FAM118B: variants seen among roughly 807,000 people sequenced by gnomAD.
FAM118B encodes the protein SIR2 antiphage like 1.
Under a neutral mutation model 38.5 loss-of-function variants are expected in FAM118B, and 24 were observed. The ratio of observed to expected loss-of-function variants is 0.62; its 90% CI spans 0.45 to 0.88. FAM118B has a LOEUF of 0.88. FAM118B is among the 40% of genes least tolerant of loss of function. FAM118B has a pLI of 0.00. For synonymous variants in FAM118B, 138 were observed against 156.3 expected (o/e 0.88, Z 0.87); for missense variants, 334 against 420.0 (o/e 0.80, Z 1.79).
At chr11:126,213,889 G>T (rs1949928054) in intron 1 of FAM118B, among the ~76,000 whole-genome samples, 1 of 152,154 alleles carries the variant, frequency 6.6e-6, no homozygotes, top group South Asian at 2.1e-4. Context: ...GGAACTTTTA[G>T]GTTTGTCTTG....
chr11:126,217,201 A>C (rs1949990950), intron 1 of FAM118B, among the ~76,000 whole-genome samples: 2 of 152,264 alleles, frequency 1.3e-5, no homozygotes, highest in Non-Finnish European at 2.9e-5. Context: ...GATGTTGAAC[A>C]AAAAGACTTT....
Position 126,235,052 on chromosome 11 carries a change from C to A in FAM118B, c.51C>A (p.Phe17Leu). Residue 17 changes from phenylalanine (F) to leucine (L), a missense_variant, in exon 3 of 9, where the codon TTC becomes TTA. Phe to Leu is a conservative substitution (Grantham distance 22). Around this residue, in one of 3 missense-constraint regions of FAM118B, gnomAD observed 240 missense variants for 295.9 expected, o/e 0.81. Coordinates refer to ENST00000533050, the MANE Select transcript of FAM118B (RefSeq NM_024556.4). ...CTGATATAGACGAGATTTTTGGATT[C>A]TTCAACGATGGCGAACCTCCCACCA... ...QASDIDEIFG[F>L]FNDGEPPTKK... The A allele has an allele frequency of 6.2e-7, 1 of 1,614,082 alleles. No homozygotes were observed.
chr11:126,235,099 A>G lies in FAM118B; in HGVS notation c.86+12A>G. 6.2e-7 allele frequency: 1 copy of G among 1,612,506 alleles called. No homozygotes were observed. Among genetic ancestry groups the G allele is most frequent in the Non-Finnish European group, 8.5e-7 (1 of 1,178,670 alleles). On this transcript the variant is annotated intron_variant, in intron 3 of 8. Coordinates refer to ENST00000533050, the MANE Select transcript of FAM118B (RefSeq NM_024556.4). Reference sequence around the variant, plus strand: ...ACCAAAAAGCCCAGGTAAACAAGAGAAGGGAATCAGCAGAGTAAATTACCA... The same window carrying G: ...ACCAAAAAGCCCAGGTAAACAAGAGGAGGGAATCAGCAGAGTAAATTACCA...
chr11:126,236,320 A>T (rs758183610), intron 3 of FAM118B, among the ~76,000 whole-genome samples: 7 of 152,186 alleles, frequency 4.6e-5, no homozygotes, highest in Non-Finnish European at 7.3e-5. Context: ...TCATACACTT[A>T]CATTCATTTG....
intron 1 of FAM118B, among the ~76,000 whole-genome samples, chr11:126,213,314 C>G (rs969145245): frequency 6.6e-6 from 1 of 152,160 alleles, no homozygotes; most frequent in African/African-American, 2.4e-5. Flanking sequence ...AGAAGCAAGG[C>G]TTGTGTACGT....
At chr11:126,235,702 G>A (rs1950264878) in intron 3 of FAM118B, among the ~76,000 whole-genome samples, 1 of 152,126 alleles carries the variant, frequency 6.6e-6, no homozygotes, top group African/African-American at 2.4e-5. Flanking sequence ...TGTATTTTTA[G>A]TAGAGATGGG....
chr11:126,236,556 G>A (rs1222394918), intron 3 of FAM118B, among the ~76,000 whole-genome samples: 2 of 152,112 alleles, frequency 1.3e-5, no homozygotes, highest in Non-Finnish European at 2.9e-5. Context: ...ATTTCACAGT[G>A]ATGTATCTTG....
chr11:126,212,811 C>G (rs1949904451), intron 1 of FAM118B, among the ~76,000 whole-genome samples: 1 of 152,134 alleles, frequency 6.6e-6, no homozygotes, highest in African/African-American at 2.4e-5. Context: ...ATAGAAGACT[C>G]AAGTTGAAGA....
intron 1 of FAM118B, among the ~76,000 whole-genome samples, chr11:126,228,667 T>G (rs889038497): frequency 2.0e-5 from 3 of 152,020 alleles, no homozygotes; most frequent in Admixed American, 6.6e-5. Context: ...TTCAAGAACT[T>G]CTCTGCCTCA....
At position 126,256,478 on chromosome 11, in the gene FAM118B, A is replaced by AG. The variant is rs1950580623; in HGVS notation, c.697-88dup. ...TAAGTCTTGCTTAATTGGTCATCAC[A>AG]GTCTGCTCAACGTAGCATGACCTTC... is the stretch of plus-strand genomic sequence containing the variant. On this transcript the variant is annotated intron_variant, in intron 6 of 8. Transcript: ENST00000533050. This position sits in a 1 kb window ranked among gnomAD's most constrained non-coding sequence, Gnocchi z 6.6. 1 of 1,246,982 alleles carries AG rather than the reference A, an allele frequency of 8.0e-7. No individual in the cohort carries two copies. Among genetic ancestry groups the AG allele is most frequent in the African/African-American group, 1.5e-5 (1 of 66,808 alleles). The allele number at this position is 1,246,982 out of a possible 1,614,324, so 77.2% of individuals were successfully genotyped here.
Position 126,256,959 on chromosome 11 carries a change from T to C in FAM118B, c.982+107T>C. Reference sequence around the variant, plus strand: ...ATAGTTGCCAAGATGAGGAATGTAATGACTGACCAAATTGTAAAGGAGGCC... The same window carrying C: ...ATAGTTGCCAAGATGAGGAATGTAACGACTGACCAAATTGTAAAGGAGGCC... On this transcript the variant is annotated intron_variant, in intron 7 of 8. Transcript: ENST00000533050. This position sits in a 1 kb window ranked among gnomAD's most constrained non-coding sequence, Gnocchi z 6.6. The C allele has an allele frequency of 1.7e-6, 2 of 1,168,530 alleles. No homozygotes were observed. Among genetic ancestry groups the C allele is most frequent in the Non-Finnish European group, 2.4e-6 (2 of 825,946 alleles). The allele number at this position is 1,168,530 out of a possible 1,614,324, so 72.4% of individuals were successfully genotyped here.
At chr11:126,212,611 A>G (rs1208090148) in intron 1 of FAM118B, among the ~76,000 whole-genome samples, 7 of 152,224 alleles carry the variant, frequency 4.6e-5, no homozygotes, top group Non-Finnish European at 1.0e-4. Flanking sequence ...GTTCAGAAAG[A>G]ATGTCCTGAA....
In FAM118B at chr11:126,262,169, T is replaced by C; in HGVS notation, c.*36T>C. The C allele has an allele frequency of 6.2e-7, 1 of 1,608,952 alleles. No homozygotes were observed. Among genetic ancestry groups the C allele is most frequent in the South Asian group, 1.1e-5 (1 of 90,978 alleles). On this transcript the variant is annotated 3_prime_UTR_variant, in exon 9 of 9. Coordinates refer to ENST00000533050, the MANE Select transcript of FAM118B (RefSeq NM_024556.4). The stretch of plus-strand genomic sequence containing the variant: ...GAAATCACCACCGTTTAGACCAAGC[T>C]GTAAGGCCCTACTACAGACAGTGTT...
intron 4 of FAM118B, among the ~76,000 whole-genome samples, chr11:126,247,215 C>T (rs1319800063): frequency 2.0e-5 from 3 of 152,096 alleles, no homozygotes; most frequent in Non-Finnish European, 4.4e-5. Context: ...TTGCTTGAGC[C>T]CAGCAGGTCA....
chr11:126,214,514 G>GTTTTTGTTT lies in FAM118B; in HGVS notation c.-77+2689_-77+2690insGTTTTTTTT, dbSNP rs1391249298. The GTTTTTGTTT allele has an allele frequency of 2.4e-3, 99 of 41,508 alleles. 2 individuals are homozygous for GTTTTTGTTT. The highest frequency in any genetic ancestry group is 5.1e-3 in the African/African-American group (88 of 17,332). 2.6% of individuals were successfully genotyped at this position (41,508 alleles called of 1,614,324 possible). The stretch of plus-strand genomic sequence containing the variant: ...TGTTTTTTTTTTTTGTTTTTTTTTT[G>GTTTTTGTTT]TTTTTTTTTTTTTACCTCTATATTG... On this transcript the variant is annotated intron_variant, in intron 1 of 8. Coordinates refer to ENST00000533050, the MANE Select transcript of FAM118B (RefSeq NM_024556.4).
chr11:126,216,357 CAG>C (rs1262455296), intron 1 of FAM118B, among the ~76,000 whole-genome samples: 1 of 151,970 alleles, frequency 6.6e-6, no homozygotes, highest in Admixed American at 6.6e-5. Flanking sequence ...GCCTAGGTGA[CAG>C]AGCGAGACTC....
rs182750230 is a variant in FAM118B, at chr11:126,219,442, C to T, written c.-77+7612C>T. Among the ~76,000 whole-genome samples the T allele has an allele frequency of 7.8e-3, 1,038 of 133,682 alleles. 14 individuals carry two copies. Among genetic ancestry groups the T allele is most frequent in the South Asian group, 0.028 (114 of 4,120 alleles). 87.7% of individuals were successfully genotyped at this position (133,682 alleles called of 152,430 possible). A position where few individuals can be genotyped will look rare whatever the true frequency, so the allele number is the denominator to read the frequency against. On this transcript the variant is annotated intron_variant, in intron 1 of 8. Transcript: ENST00000533050. ...GAGTGGGCATGATCATGACTCACTG[C>T]AGCCTCGACCTCCTGGGTTCAAGCA...
chr11:126,238,431 T>A (rs1273872086), intron 3 of FAM118B, among the ~76,000 whole-genome samples: 1 of 152,084 alleles, frequency 6.6e-6, no homozygotes, highest in Non-Finnish European at 1.5e-5. Context: ...ATCTGCAGGT[T>A]TTTCATCTCA....
At chr11:126,217,699 A>G (rs567468969) in intron 1 of FAM118B, among the ~76,000 whole-genome samples, 12 of 152,342 alleles carry the variant, frequency 7.9e-5, no homozygotes, top group African/African-American at 2.9e-4. Context: ...TTTCCTGTGC[A>G]GGAACCGTAT....
Sources: allele counts gnomAD v4.1 joint callset (sites outside exome capture counted in the v4.1 genomes callset), GRCh38; gene constraint gnomAD v4.1.1; regional missense constraint gnomAD v4.1.1; non-coding constraint Gnocchi (gnomAD v3.1); transcripts MANE v1.5; gene names NCBI Gene and HGNC (gene_info 2026-07-23, HGNC 2026-07-21).